Variants in PCDH15 observed in about 807,000 individuals in gnomAD.
The protein encoded by PCDH15 is protocadherin related 15.
A neutral mutation model predicts 178.5 loss-of-function variants in PCDH15; 129 were observed. The ratio of observed to expected loss-of-function variants is 0.72; its 90% CI spans 0.63 to 0.84. The LOEUF is 0.84. Among genes scored for constraint, PCDH15 ranks in the 40% least tolerant of loss-of-function variants. The pLI is 0.00. For missense variants in PCDH15, 2,230 were observed against 2,099.9 expected, an observed-to-expected ratio of 1.06 and a Z score of -1.21; for synonymous variants, 800 against 732.0, an observed-to-expected ratio of 1.09 and a Z score of -1.50.
chr10:54,331,653 G>A (rs1345808335), intron 6 of PCDH15, among the ~76,000 whole-genome samples: 2 of 151,854 alleles, frequency 1.3e-5, no homozygotes, highest in African/African-American at 4.8e-5. Context: ...CTAATGTGTT[G>A]TTATGAGGTT....
At chr10:54,277,080 G>A (rs1167344398) in intron 8 of PCDH15, among the ~76,000 whole-genome samples, 4 of 151,564 alleles carry the variant, frequency 2.6e-5, no homozygotes, top group Non-Finnish European at 4.4e-5. Context: ...AAAGCATGGA[G>A]GTGTTGTCAC....
intron 2 of PCDH15, among the ~76,000 whole-genome samples, chr10:55,531,730 C>A (rs946702269): frequency 6.6e-6 from 1 of 151,954 alleles, no homozygotes; most frequent in Non-Finnish European, 1.5e-5. Flanking sequence ...GCCAAATTGC[C>A]AGATCATTCT....
intron 10 of PCDH15, among the ~76,000 whole-genome samples, chr10:54,200,225 A>G (rs1480705179): frequency 6.7e-6 from 1 of 150,366 alleles, no homozygotes; most frequent in African/African-American, 2.5e-5. Flanking sequence ...GAAGAAAGAA[A>G]TCATGTTTTC....
In PCDH15 at chr10:54,378,777, C is replaced by CT; in HGVS notation, c.318+4dup. ...TTACAGGGGCAAAGAAAAAAAATCA[C>CT]TAACATCTCTATCCAGAACTCTTCC... is the stretch of plus-strand genomic sequence containing the variant. On this transcript the variant is annotated splice_donor_region_variant and intron_variant, in intron 4 of 37. Transcript: ENST00000644397. 1.2e-6 allele frequency: 2 copies of CT among 1,613,466 alleles called. No individual in the cohort carries two copies. The highest frequency in any genetic ancestry group is 1.7e-6 in the Non-Finnish European group (2 of 1,179,682).
intron 36 of PCDH15, 79 bp downstream of exon 36, chr10:53,811,470 G>A: frequency 1.2e-6 from 1 of 869,380 alleles, no homozygotes; most frequent in Non-Finnish European, 1.7e-6. Context: ...ACAAATTCTA[G>A]TAATAATAAT....
chr10:54,403,810 C>T (rs1238080607), intron 3 of PCDH15, among the ~76,000 whole-genome samples: 1 of 151,412 alleles, frequency 6.6e-6, no homozygotes, highest in East Asian at 1.9e-4. Context: ...TTCAAGGATC[C>T]AAATCAGGAA....
At chr10:55,313,116 C>A (rs1281548414) in intron 1 of PCDH15, among the ~76,000 whole-genome samples, 1 of 152,108 alleles carries the variant, frequency 6.6e-6, no homozygotes, top group Middle Eastern at 3.4e-3. Flanking sequence ...TAGAAAGAAG[C>A]CATAGTGCTC....
intron 14 of PCDH15, among the ~76,000 whole-genome samples, chr10:54,144,365 T>G (rs72797062): frequency 0.03 from 4,510 of 152,212 alleles, 85 homozygotes; most frequent in Middle Eastern, 0.082. Context: ...TTTTGTGAAT[T>G]GTTTTCTGTT....
chr10:55,239,222 T>C (rs1420452669), intron 1 of PCDH15, among the ~76,000 whole-genome samples: 1 of 152,188 alleles, frequency 6.6e-6, no homozygotes, highest in Non-Finnish European at 1.5e-5. Flanking sequence ...ATTAATCATA[T>C]TCCAATATGT....
At chr10:54,861,611 T>G (rs925632389) in intron 3 of PCDH15, among the ~76,000 whole-genome samples, 1 of 152,292 alleles carries the variant, frequency 6.6e-6, no homozygotes, top group Middle Eastern at 3.4e-3. Context: ...GAGAAAAGTT[T>G]AAAGTATTCC....
intron 2 of PCDH15, among the ~76,000 whole-genome samples, chr10:54,628,475 G>T (rs925112047): frequency 6.6e-6 from 1 of 152,014 alleles, no homozygotes; most frequent in Non-Finnish European, 1.5e-5. Flanking sequence ...ATTTCTACAG[G>T]TCTTTAGTTA....
chr10:55,079,776 G>A lies in PCDH15; in HGVS notation c.-80+86800C>T, dbSNP rs149686646. 4.0e-3 allele frequency among the ~76,000 whole-genome samples: 609 copies of A among 152,226 alleles called. 3 individuals are homozygous for A. The highest frequency in any genetic ancestry group is 0.014 in the Middle Eastern group (4 of 294). ...TGGTCCTTAGGCTTCTATATGGTGC[G>A]CGTGAGTGATCCTGTCTTCAGGTTC... is the stretch of plus-strand genomic sequence containing the variant. On this transcript the variant is annotated intron_variant, in intron 2 of 5. Transcript: ENST00000458638.
chr10:54,859,179 T>C (rs1275695641), intron 3 of PCDH15, among the ~76,000 whole-genome samples: 1 of 152,114 alleles, frequency 6.6e-6, no homozygotes, highest in African/African-American at 2.4e-5. Context: ...TGAGAAGAAA[T>C]ATGAAGCTGA....
intron 2 of PCDH15, among the ~76,000 whole-genome samples, chr10:54,538,233 T>C (rs367908678): frequency 1.3e-5 from 2 of 152,158 alleles, no homozygotes; most frequent in South Asian, 2.1e-4. Context: ...CTTTTAAGAT[T>C]CTTACAGCTT....
At chr10:55,210,238 CAG>C (rs1470241373) in intron 1 of PCDH15, among the ~76,000 whole-genome samples, 1 of 151,980 alleles carries the variant, frequency 6.6e-6, no homozygotes, top group Non-Finnish European at 1.5e-5. Context: ...CTATAGAGGA[CAG>C]AGTCATGGGG....
intron 2 of PCDH15, among the ~76,000 whole-genome samples, chr10:54,594,950 C>CA (rs1365821915): frequency 1.3e-5 from 2 of 152,182 alleles, no homozygotes; most frequent in Non-Finnish European, 2.9e-5. Flanking sequence ...CAAGAATGCT[C>CA]ACAGAGGGTG....
Position 54,576,922 on chromosome 10 carries a change from C to T in PCDH15, c.92-49045G>A, listed in dbSNP as rs561259170. Among the ~76,000 whole-genome samples, 7 of 142,314 alleles carry T rather than the reference C, an allele frequency of 4.9e-5. No homozygotes were observed. The South Asian group carries it at 1.2e-3, about 24-fold the overall frequency. 93.4% of individuals were successfully genotyped at this position (142,314 alleles called of 152,430 possible). A position where few individuals can be genotyped will look rare whatever the true frequency, so the allele number is the denominator to read the frequency against. Reference sequence around the variant, plus strand: ...TTGGTAGTTCCGCTCTTGAGGAGTACGCAATCTGTTAAAGACCACCAAGTT... The same window carrying T: ...TTGGTAGTTCCGCTCTTGAGGAGTATGCAATCTGTTAAAGACCACCAAGTT... On this transcript the variant is annotated intron_variant, in intron 2 of 37. Coordinates refer to ENST00000644397, the MANE Select transcript of PCDH15 (RefSeq NM_001384140.1).
intron 2 of PCDH15, among the ~76,000 whole-genome samples, chr10:54,954,929 T>C (rs1199118569): frequency 3.3e-5 from 5 of 151,270 alleles, no homozygotes; most frequent in Non-Finnish European, 7.4e-5. Context: ...CTTGTGAATA[T>C]GTCTTATACA....
intron 2 of PCDH15, among the ~76,000 whole-genome samples, chr10:55,576,668 G>C (rs1380281806): frequency 6.6e-6 from 1 of 151,840 alleles, no homozygotes; most frequent in African/African-American, 2.4e-5. Flanking sequence ...AGATGTGCTT[G>C]ATGATTAAAT....
Sources: gnomAD v4.1 joint callset for allele counts (sites outside exome capture counted in the v4.1 genomes callset) on GRCh38, gnomAD v4.1.1 for gene constraint, MANE v1.5 for transcripts, NCBI Gene and HGNC (gene_info 2026-07-23, HGNC 2026-07-21) for gene names.